Variants in ERBB4 observed in about 807,000 individuals in gnomAD.
ERBB4 encodes receptor tyrosine-protein kinase erbB-4.
Under a neutral mutation model 158.0 loss-of-function variants are expected in ERBB4, and 42 were observed. The observed-to-expected ratio is 0.27, with a 90% CI of 0.21 to 0.34. ERBB4 has a LOEUF of 0.34. Among genes scored for constraint, ERBB4 ranks in the 10% least tolerant of loss-of-function variants. ERBB4 has a pLI of 1.00. For synonymous variants in ERBB4, 583 were observed against 558.7 expected (o/e 1.04, Z -0.61); for missense variants, 1,333 against 1,624.1 (o/e 0.82, Z 3.08).
At chr2:212,260,236 T>C (rs2084889723) in intron 1 of ERBB4, among the ~76,000 whole-genome samples, 2 of 152,004 alleles carry the variant, frequency 1.3e-5, no homozygotes, top group South Asian at 2.1e-4. Flanking sequence ...TATGGTATGC[T>C]AAAAAGAACT....
At chr2:211,729,575 A>G (rs1257035239) in intron 5 of ERBB4, among the ~76,000 whole-genome samples, 2 of 151,916 alleles carry the variant, frequency 1.3e-5, no homozygotes, top group Non-Finnish European at 2.9e-5. Flanking sequence ...ATTCAAGGCT[A>G]CATGCAAGAC....
At chr2:212,046,962 A>G (rs1559381173) in intron 2 of ERBB4, among the ~76,000 whole-genome samples, 1 of 152,166 alleles carries the variant, frequency 6.6e-6, no homozygotes, top group Non-Finnish European at 1.5e-5. Context: ...TCTTTTCCCA[A>G]TTTGGAAGCT....
chr2:211,796,310 A>G (rs2076381900), intron 3 of ERBB4, among the ~76,000 whole-genome samples: 2 of 151,932 alleles, frequency 1.3e-5, no homozygotes, highest in African/African-American at 4.8e-5. Flanking sequence ...AAATTCATCT[A>G]TATTGTTTAT....
chr2:212,396,198 A>G (rs749035549), intron 1 of ERBB4, among the ~76,000 whole-genome samples: 5 of 152,156 alleles, frequency 3.3e-5, no homozygotes, highest in Admixed American at 6.5e-5. Context: ...GCTTTAATGA[A>G]CTCCAGAGGA....
At chr2:211,692,576 T>G (rs2072862525) in intron 12 of ERBB4, among the ~76,000 whole-genome samples, 2 of 152,104 alleles carry the variant, frequency 1.3e-5, no homozygotes. Context: ...CCTTGCCTCT[T>G]TCAGCTTTTA....
Position 211,721,644 on chromosome 2 carries a change from T to C in ERBB4, c.883+749A>G, listed in dbSNP as rs1033793233. ...ACATATATATATATATATATATATATACATGTTTTGTTTAAGGTTAACTTG... is the reference window on the plus strand; with the variant it reads ...ACATATATATATATATATATATATACACATGTTTTGTTTAAGGTTAACTTG... On this transcript the variant is annotated intron_variant, in intron 7 of 27. Transcript: ENST00000342788. Among the ~76,000 whole-genome samples, 13 of 144,738 alleles carry C rather than the reference T, an allele frequency of 9.0e-5. 1 individual carries two copies. Among genetic ancestry groups the C allele is most frequent in the Admixed American group, 5.6e-4 (8 of 14,376 alleles). 95.0% of individuals were successfully genotyped at this position (144,738 alleles called of 152,430 possible). A position where few individuals can be genotyped will look rare whatever the true frequency, so the allele number is the denominator to read the frequency against.
At chr2:212,397,376 G>T (rs547182336) in intron 1 of ERBB4, among the ~76,000 whole-genome samples, 3 of 152,154 alleles carry the variant, frequency 2.0e-5, no homozygotes, top group African/African-American at 7.2e-5. Context: ...AAGAGGCTGA[G>T]GCGAGAGTAT....
intron 16 of ERBB4, among the ~76,000 whole-genome samples, chr2:211,641,625 T>C (rs1360631576): frequency 3.9e-5 from 6 of 152,114 alleles, no homozygotes; most frequent in Non-Finnish European, 8.8e-5. Flanking sequence ...CAATTAAACA[T>C]AGATACTCCA....
chr2:211,955,611 T>G (rs1193201837), intron 2 of ERBB4, among the ~76,000 whole-genome samples: 1 of 152,150 alleles, frequency 6.6e-6, no homozygotes, highest in Admixed American at 6.6e-5. Flanking sequence ...AACTGCAAAC[T>G]AACTTAAGAG....
chr2:212,070,248 C>A (rs2078073486), intron 2 of ERBB4, among the ~76,000 whole-genome samples: 1 of 151,908 alleles, frequency 6.6e-6, no homozygotes. Context: ...AAATTAAAGG[C>A]ATATGTTTTT....
chr2:212,057,516 C>A (rs566339446), intron 2 of ERBB4, among the ~76,000 whole-genome samples: 1 of 152,258 alleles, frequency 6.6e-6, no homozygotes, highest in South Asian at 2.1e-4. Context: ...CCAAAACTGA[C>A]CACATAGTTG....
At chr2:212,436,537 G>A (rs2092140365) in intron 1 of ERBB4, among the ~76,000 whole-genome samples, 1 of 152,034 alleles carries the variant, frequency 6.6e-6, no homozygotes, top group Non-Finnish European at 1.5e-5. Context: ...ATGTGATCTT[G>A]TGTCAATCTC....
intron 3 of ERBB4, among the ~76,000 whole-genome samples, chr2:211,863,121 G>C (rs1401920818): frequency 6.7e-6 from 1 of 148,492 alleles, no homozygotes; most frequent in African/African-American, 2.6e-5. Flanking sequence ...TCAGCACTCT[G>C]TAAAAACACC....
At chr2:211,899,678 G>A (rs2079183976) in intron 3 of ERBB4, among the ~76,000 whole-genome samples, 1 of 152,034 alleles carries the variant, frequency 6.6e-6, no homozygotes, top group South Asian at 2.1e-4. Context: ...TTCAAGAGGG[G>A]CCAAGACTAG....
chr2:212,106,901 C>T (rs952989915), intron 2 of ERBB4, among the ~76,000 whole-genome samples: 2 of 152,194 alleles, frequency 1.3e-5, no homozygotes, highest in African/African-American at 2.4e-5. Context: ...TGGTGGTGCA[C>T]AGAAGTCAAG....
chr2:212,185,931 C>A (rs530829026), intron 1 of ERBB4, among the ~76,000 whole-genome samples: 1 of 152,178 alleles, frequency 6.6e-6, no homozygotes, highest in South Asian at 2.1e-4. Context: ...ATTTCTTAGG[C>A]AGTTGTCTAA....
intron 18 of ERBB4, among the ~76,000 whole-genome samples, chr2:211,621,489 A>T (rs1179107807): frequency 6.6e-6 from 1 of 152,158 alleles, no homozygotes; most frequent in African/African-American, 2.4e-5. Context: ...AAGTAATTTC[A>T]ATTAGGGTAA....
intron 19 of ERBB4, among the ~76,000 whole-genome samples, chr2:211,604,158 T>C (rs530809138): frequency 2.0e-5 from 3 of 152,156 alleles, no homozygotes; most frequent in Non-Finnish European, 2.9e-5. Flanking sequence ...AAGGATGAAA[T>C]GTAAATACAT....
At chr2:212,404,287 C>A (rs1443946764) in intron 1 of ERBB4, among the ~76,000 whole-genome samples, 1 of 152,008 alleles carries the variant, frequency 6.6e-6, no homozygotes, top group African/African-American at 2.4e-5. Context: ...TTCTTCAATA[C>A]TCAATAAACT....
Sources: allele counts gnomAD v4.1 joint callset (sites outside exome capture counted in the v4.1 genomes callset), GRCh38; gene constraint gnomAD v4.1.1; transcripts MANE v1.5; gene names NCBI Gene and HGNC (gene_info 2026-07-23, HGNC 2026-07-21).